The following CELF2 variants were observed in gnomAD, a reference collection of about 807,000 sequenced individuals.
CELF2 encodes the protein CUGBP Elav-like family member 2.
In CELF2, 8 loss-of-function variants were observed where a neutral mutation model predicts 62.6. The observed-to-expected ratio is 0.13, with a 90% CI of 0.07 to 0.23. The LOEUF is 0.23. CELF2 is among the 10% of genes least tolerant of loss of function. CELF2 has a pLI of 1.00. For missense variants in CELF2, 333 were observed against 671.0 expected (o/e 0.50, Z 5.56); for synonymous variants, 258 against 250.0 (o/e 1.03, Z -0.30).
At chr10:10,499,879 G>C in the CELF2 span, among the ~76,000 whole-genome samples, 3 of 152,124 alleles carry the variant, frequency 2.0e-5, no homozygotes, top group Non-Finnish European at 1.5e-5. Flanking sequence ...CTCTTGTCTT[G>C]TGGGGGAAAA....
chr10:10,792,091 A>AGGGAGGAAGGAGGAAAGGGAGGGAGGGT, the CELF2 span, among the ~76,000 whole-genome samples: 1 of 131,204 alleles, frequency 7.6e-6, no homozygotes, highest in Non-Finnish European at 1.6e-5. Context: ...GGAGGGAGGG[A>AGGGAGGAAGGAGGAAAGGGAGGGAGGGT]GAGAGGTTCC....
chr10:10,558,766 G>T, the CELF2 span, among the ~76,000 whole-genome samples: 1 of 152,142 alleles, frequency 6.6e-6, no homozygotes, highest in African/African-American at 2.4e-5. Flanking sequence ...AGTCTTGGGA[G>T]GGTGTATGTG....
chr10:10,535,909 G>A, the CELF2 span, among the ~76,000 whole-genome samples: 1 of 152,084 alleles, frequency 6.6e-6, no homozygotes, highest in Non-Finnish European at 1.5e-5. Context: ...CACATAAAGT[G>A]AGCAAACCTG....
chr10:10,540,040 C>T, the CELF2 span, among the ~76,000 whole-genome samples: 53 of 152,260 alleles, frequency 3.5e-4, no homozygotes, highest in African/African-American at 1.3e-3. Flanking sequence ...AACCCCAGCT[C>T]TTTCCAAGAA....
chr10:10,994,534 G>A (rs1340812807), intron 2 of CELF2, among the ~76,000 whole-genome samples: 1 of 152,170 alleles, frequency 6.6e-6, no homozygotes, highest in East Asian at 1.9e-4. Flanking sequence ...ATTTACAGCC[G>A]CTCCTCATTG....
At chr10:11,077,976 G>C (rs1013952721) in intron 1 of CELF2, among the ~76,000 whole-genome samples, 3 of 152,106 alleles carry the variant, frequency 2.0e-5, no homozygotes, top group African/African-American at 7.2e-5. Flanking sequence ...CTTGAGAAAA[G>C]CATACCAAAG....
rs1056745142 is a variant in CELF2 at position 11,214,017 on chromosome 10, C to A, written c.272-3408C>A. Among the ~76,000 whole-genome samples, 1 of 152,204 alleles carries A rather than the reference C, an allele frequency of 6.6e-6. No individual in the cohort carries two copies. The highest frequency in any genetic ancestry group is 1.9e-4 in the East Asian group (1 of 5,202). On this transcript the variant is annotated intron_variant, in intron 2 of 12. Transcript: ENST00000633077. This position sits in a 1 kb window ranked among gnomAD's most constrained non-coding sequence, Gnocchi z 4.2. Reference sequence around the variant, plus strand: ...GATGAGACTAGGCCGGGCACAGTAGCTCATGCCTATAGTCTAAGGGCTTTG... The same window carrying A: ...GATGAGACTAGGCCGGGCACAGTAGATCATGCCTATAGTCTAAGGGCTTTG...
chr10:10,577,834 C>A, the CELF2 span, among the ~76,000 whole-genome samples: 1 of 152,056 alleles, frequency 6.6e-6, no homozygotes, highest in Non-Finnish European at 1.5e-5. Flanking sequence ...GTGCATGTGT[C>A]TTTATAGCAG....
chr10:10,822,097 C>A (rs546356999), intron 1 of CELF2, among the ~76,000 whole-genome samples: 68 of 152,300 alleles, frequency 4.5e-4, no homozygotes, highest in African/African-American at 1.6e-3. Context: ...TTGATGTGGC[C>A]GCCTGGCAGG....
chr10:10,554,621 C>T, the CELF2 span, among the ~76,000 whole-genome samples: 1 of 152,176 alleles, frequency 6.6e-6, no homozygotes, highest in African/African-American at 2.4e-5. Flanking sequence ...TGTGGTGACC[C>T]TGGCTGATGG....
At chr10:11,189,930 C>T (rs1211265609) in intron 2 of CELF2, among the ~76,000 whole-genome samples, 1 of 152,224 alleles carries the variant, frequency 6.6e-6, no homozygotes. Flanking sequence ...TCATTACCTT[C>T]ATTTCCATTC....
chr10:10,981,196 C>A (rs149496762), intron 2 of CELF2, among the ~76,000 whole-genome samples: 1 of 152,188 alleles, frequency 6.6e-6, no homozygotes, highest in African/African-American at 2.4e-5. Context: ...GATTCCACTT[C>A]GTTATAGAGA....
At chr10:11,213,310 C>G (rs1245363730) in intron 2 of CELF2, among the ~76,000 whole-genome samples, 2 of 152,244 alleles carry the variant, frequency 1.3e-5, no homozygotes, top group Admixed American at 6.5e-5. Context: ...GCCCCTGAAT[C>G]AGACTGCTGA....
rs1438891472 is a variant in CELF2 at position 11,336,241 on chromosome 10, ATTCAC to A, written c.*7191_*7195del. The stretch of plus-strand genomic sequence containing the variant: ...AACATTGTGACCAAACAATCAGCTT[ATTCAC>A]TTATCAGGAATCGACTGTTCTGCTA... On this transcript the variant is annotated 3_prime_UTR_variant, in exon 13 of 13. Transcript: ENST00000633077. The surrounding 1 kb of genome is among the most constrained non-coding windows in gnomAD (Gnocchi z 5.4). 6.5e-6 allele frequency: 1 copy of A among 152,688 alleles called. No homozygotes were observed. Among genetic ancestry groups the A allele is most frequent in the Non-Finnish European group, 1.5e-5 (1 of 68,050 alleles). 9.5% of individuals were successfully genotyped at this position (152,688 alleles called of 1,614,324 possible). A position where few individuals can be genotyped will look rare whatever the true frequency, so the allele number is the denominator to read the frequency against.
chr10:11,013,807 T>C (rs1225905180), upstream of CELF2, among the ~76,000 whole-genome samples: 1 of 152,242 alleles, frequency 6.6e-6, no homozygotes, highest in Non-Finnish European at 1.5e-5. This position sits in a 1 kb window ranked among gnomAD's most constrained non-coding sequence, Gnocchi z 4.1. Context: ...ATATAAATAT[T>C]TATTGTTTAA....
At chr10:11,034,069 G>A (rs2060567698) in intron 1 of CELF2, among the ~76,000 whole-genome samples, 1 of 152,122 alleles carries the variant, frequency 6.6e-6, no homozygotes, top group African/African-American at 2.4e-5. Context: ...GCTGTTCTAG[G>A]TGTTACAAAA....
the CELF2 span, among the ~76,000 whole-genome samples, chr10:10,587,808 T>C: frequency 6.6e-6 from 1 of 152,124 alleles, no homozygotes; most frequent in Non-Finnish European, 1.5e-5. Flanking sequence ...CTTAGCCAAA[T>C]TCAAGAGGAG....
the CELF2 span, among the ~76,000 whole-genome samples, chr10:10,584,479 C>T: frequency 3.3e-5 from 5 of 152,216 alleles, no homozygotes; most frequent in Non-Finnish European, 7.3e-5. Context: ...GCTATTGTTA[C>T]AGGTACATAC....
the CELF2 span, among the ~76,000 whole-genome samples, chr10:10,693,900 C>CT: frequency 1.3e-5 from 2 of 151,966 alleles, no homozygotes; most frequent in African/African-American, 2.4e-5. Flanking sequence ...ATTCTTCTCT[C>CT]TTTTTTTCTT....
Sources: gnomAD v4.1 joint callset for allele counts (sites outside exome capture counted in the v4.1 genomes callset) on GRCh38, gnomAD v4.1.1 for gene constraint, Gnocchi (gnomAD v3.1) non-coding constraint, MANE v1.5 for transcripts, NCBI Gene and HGNC (gene_info 2026-07-23, HGNC 2026-07-21) for gene names.